Variants in TMEM132D observed in about 807,000 individuals in gnomAD.
The protein encoded by TMEM132D is transmembrane protein 132D.
TMEM132D carries 21 observed loss-of-function variants against 62.3 expected under a neutral mutation model. The observed-to-expected ratio is 0.34, with a 90% CI of 0.24 to 0.49. The LOEUF (loss-of-function observed/expected upper bound fraction) is 0.49, where lower values mean the gene tolerates loss of function less well. TMEM132D is among the 20% of genes least tolerant of loss of function. The pLI, the probability that TMEM132D is intolerant of heterozygous loss-of-function variation, is 0.99. For synonymous variants in TMEM132D, 621 were observed against 575.6 expected (o/e 1.08, Z -1.13); for missense variants, 1,346 against 1,402.8 (o/e 0.96, Z 0.65).
chr12:129,309,633 G>T (rs1050792999), intron 4 of TMEM132D, among the ~76,000 whole-genome samples: 1 of 152,082 alleles, frequency 6.6e-6, no homozygotes, highest in African/African-American at 2.4e-5. Context: ...CTGTGAAATG[G>T]GATCTTCTTT....
chr12:129,432,155 ATGCT>A (rs774890222), intron 3 of TMEM132D, among the ~76,000 whole-genome samples: 5,667 of 101,360 alleles, frequency 0.056, 103 homozygotes, highest in East Asian at 0.092. Context: ...GGATGGATGG[ATGCT>A]TGGATGGATG....
chr12:129,838,636 G>A lies in TMEM132D; in HGVS notation c.79+64625C>T, dbSNP rs527586503. On this transcript the variant is annotated intron_variant, in intron 1 of 8. Coordinates refer to ENST00000422113, the MANE Select transcript of TMEM132D (RefSeq NM_133448.3). ...AAGTGTTATTTTAAATATAGAAAGA[G>A]CTGTTAGAAAGTAATCAAAAAGAGA... Among the ~76,000 whole-genome samples, 9 of 152,240 alleles carry A rather than the reference G, an allele frequency of 5.9e-5. No individual in the cohort carries two copies. In the East Asian group the frequency reaches 1.7e-3, roughly 29 times the overall value.
At chr12:129,617,576 T>C (rs1338959147) in intron 2 of TMEM132D, among the ~76,000 whole-genome samples, 1 of 152,164 alleles carries the variant, frequency 6.6e-6, no homozygotes, top group East Asian at 1.9e-4. Context: ...TTCTTTTTCA[T>C]TGAAAGGAGC....
chr12:129,770,940 G>T (rs1270021993), intron 1 of TMEM132D, among the ~76,000 whole-genome samples: 1 of 152,206 alleles, frequency 6.6e-6, no homozygotes, highest in Non-Finnish European at 1.5e-5. Flanking sequence ...GTCTGTAGTT[G>T]TCCTGTGTTT....
intron 1 of TMEM132D, among the ~76,000 whole-genome samples, chr12:129,765,358 A>G (rs1190906158): frequency 6.6e-6 from 1 of 152,098 alleles, no homozygotes; most frequent in Non-Finnish European, 1.5e-5. Flanking sequence ...CCTGAGGTTG[A>G]GAGTTTGAGA....
At chr12:129,282,291 C>T (rs974600243) in intron 4 of TMEM132D, among the ~76,000 whole-genome samples, 2 of 152,136 alleles carry the variant, frequency 1.3e-5, no homozygotes, top group Non-Finnish European at 2.9e-5. Flanking sequence ...CTTATCCCTC[C>T]CCCTAGTTCC....
At chr12:129,249,810 G>A (rs755262839) in intron 4 of TMEM132D, among the ~76,000 whole-genome samples, 9 of 152,138 alleles carry the variant, frequency 5.9e-5, no homozygotes, top group Non-Finnish European at 1.0e-4. Context: ...AAAAGGAACC[G>A]TGGATCAGCC....
intron 3 of TMEM132D, among the ~76,000 whole-genome samples, chr12:129,433,592 T>C (rs1230300478): frequency 1.3e-5 from 2 of 152,322 alleles, no homozygotes; most frequent in Non-Finnish European, 2.9e-5. Context: ...CAGTTTGGGC[T>C]TTTGTGGAGA....
intron 1 of TMEM132D, among the ~76,000 whole-genome samples, chr12:129,777,431 C>T (rs1870974591): frequency 6.6e-6 from 1 of 152,208 alleles, no homozygotes; most frequent in African/African-American, 2.4e-5. Flanking sequence ...AGGCTGCAAG[C>T]TCCTACCTTC....
chr12:129,683,427 GC>G (rs1465386507), intron 2 of TMEM132D, among the ~76,000 whole-genome samples: 2 of 152,124 alleles, frequency 1.3e-5, no homozygotes, highest in African/African-American at 2.4e-5. Context: ...ACAGTGCTTG[GC>G]ACAAATAGAT....
intron 3 of TMEM132D, among the ~76,000 whole-genome samples, chr12:129,417,864 C>T (rs1443917597): frequency 6.6e-6 from 1 of 152,102 alleles, no homozygotes; most frequent in African/African-American, 2.4e-5. Context: ...AAGAAAAAAA[C>T]AAACCCCATC....
chr12:129,450,956 GT>G (rs1873265013), intron 3 of TMEM132D, among the ~76,000 whole-genome samples: 1 of 151,804 alleles, frequency 6.6e-6, no homozygotes, highest in Admixed American at 6.6e-5. Flanking sequence ...TAAAGACAGG[GT>G]TTCACCATCT....
At chr12:129,398,868 A>G (rs532675801) in intron 3 of TMEM132D, among the ~76,000 whole-genome samples, 11 of 130,162 alleles carry the variant, frequency 8.5e-5, no homozygotes, top group African/African-American at 4.6e-4. Context: ...CCATCCATCC[A>G]TCCATCCATC....
At position 129,768,522 on chromosome 12, in the gene TMEM132D, G is replaced by A. The variant is rs184534819; in HGVS notation, c.80-67824C>T. The stretch of plus-strand genomic sequence containing the variant: ...AAAAGTAGAATTAATATATGATTTA[G>A]GAGTTCTACTTCTAGGTATATGTAC... On this transcript the variant is annotated intron_variant, in intron 1 of 8. Transcript: ENST00000422113. Among the ~76,000 whole-genome samples the A allele has an allele frequency of 1.0e-3, 155 of 151,928 alleles. 1 individual carries two copies. Among genetic ancestry groups the A allele is most frequent in the African/African-American group, 3.7e-3 (152 of 41,466 alleles).
intron 5 of TMEM132D, among the ~76,000 whole-genome samples, chr12:129,159,506 C>G (rs1877337052): frequency 6.6e-6 from 1 of 152,126 alleles, no homozygotes; most frequent in Non-Finnish European, 1.5e-5. Flanking sequence ...CCTGTAATCT[C>G]AGCGCTTTGG....
chr12:129,798,662 G>A (rs1871638771), intron 1 of TMEM132D, among the ~76,000 whole-genome samples: 1 of 151,886 alleles, frequency 6.6e-6, no homozygotes, highest in South Asian at 2.1e-4. Context: ...CCCTACCTGG[G>A]CGAGCATCCT....
At chr12:129,532,275 A>G (rs10734970) in intron 2 of TMEM132D, among the ~76,000 whole-genome samples, 99,471 of 151,892 alleles carry the variant, frequency 0.65, 32,906 homozygotes, top group African/African-American at 0.74. Flanking sequence ...GGATGGTGGG[A>G]GCGGCCGACT....
chr12:129,260,740 TCA>T (rs1880528747), intron 4 of TMEM132D, among the ~76,000 whole-genome samples: 1 of 152,200 alleles, frequency 6.6e-6, no homozygotes, highest in Non-Finnish European at 1.5e-5. Flanking sequence ...GCTTTAACTC[TCA>T]CTTATAAGAG....
chr12:129,735,303 C>T (rs1565966803), intron 1 of TMEM132D, among the ~76,000 whole-genome samples: 2 of 152,128 alleles, frequency 1.3e-5, no homozygotes, highest in Admixed American at 1.3e-4. Flanking sequence ...TATCACACCA[C>T]CTGGCATTTA....
Sources: allele counts gnomAD v4.1 joint callset (sites outside exome capture counted in the v4.1 genomes callset), GRCh38; gene constraint gnomAD v4.1.1; transcripts MANE v1.5; gene names NCBI Gene and HGNC (gene_info 2026-07-23, HGNC 2026-07-21).